The following ABCG2 variants were observed in gnomAD, a reference collection of about 807,000 sequenced individuals.
The protein encoded by ABCG2 is broad substrate specificity ATP-binding cassette transporter ABCG2.
In ABCG2, 80 loss-of-function variants were observed where a neutral mutation model predicts 73.5. The observed-to-expected ratio is 1.09, with a 90% CI of 0.91 to 1.31. The LOEUF is 1.31. Among genes scored for constraint, ABCG2 ranks in the 50% most tolerant of loss-of-function variants. ABCG2 has a pLI of 0.00. For missense variants in ABCG2, 796 were observed against 786.2 expected (o/e 1.01, Z -0.15); for synonymous variants, 269 against 282.4 (o/e 0.95, Z 0.48).
intron 1 of ABCG2, among the ~76,000 whole-genome samples, chr4:88,185,770 TC>T (rs761447763): frequency 3.3e-5 from 5 of 152,198 alleles, no homozygotes; most frequent in Non-Finnish European, 4.4e-5. Flanking sequence ...TTATCATTAA[TC>T]AGAGAAATGC....
chr4:88,191,957 G>A (rs190356296), intron 1 of ABCG2, among the ~76,000 whole-genome samples: 100 of 152,246 alleles, frequency 6.6e-4, no homozygotes, highest in African/African-American at 2.3e-3. Context: ...GATTACCTGA[G>A]CTCTGGCATT....
intron 1 of ABCG2, among the ~76,000 whole-genome samples, chr4:88,140,233 T>G (rs1046670917): frequency 6.6e-6 from 1 of 152,164 alleles, no homozygotes; most frequent in Non-Finnish European, 1.5e-5. Context: ...AGATGTCAAA[T>G]ACATCCCTAA....
At position 88,131,080 on chromosome 4, in the gene ABCG2, T is replaced by G; in HGVS notation, c.512A>C (p.Asp171Ala). 1 of 1,614,038 alleles carries G rather than the reference T, an allele frequency of 6.2e-7. No homozygotes were observed. The highest frequency in any genetic ancestry group is 8.5e-7 in the Non-Finnish European group (1 of 1,179,990). ...INRVIQELGL[D>A]KVADSKVGTQ... ...CATTACCTTGGAGTCTGCCACTTTA[T>G]CCAGACCTAACTCTTGAATGACCCT... Residue 171 changes from aspartate to alanine, a missense_variant, in exon 5 of 16, where the codon GAT becomes GCT. By Grantham distance (126) the Asp-to-Ala change is moderately radical. Coordinates refer to ENST00000237612, the MANE Select transcript of ABCG2 (RefSeq NM_004827.3).
intron 1 of ABCG2, among the ~76,000 whole-genome samples, chr4:88,203,510 C>T (rs1578275835): frequency 6.6e-6 from 1 of 152,106 alleles, no homozygotes; most frequent in African/African-American, 2.4e-5. Context: ...GTGGCTCATG[C>T]CTTTAATCCC....
At chr4:88,137,143 C>A (rs1308200046) in intron 2 of ABCG2, among the ~76,000 whole-genome samples, 12 of 151,980 alleles carry the variant, frequency 7.9e-5, no homozygotes, top group Admixed American at 7.9e-4. Context: ...AAATCAGGAA[C>A]AATAAGAGTA....
At chr4:88,092,483 C>A (rs1721703236) in intron 15 of ABCG2, 102 bp from the exon 16 acceptor site, 2 of 1,260,044 alleles carry the variant, frequency 1.6e-6, no homozygotes, top group Non-Finnish European at 2.2e-6. Flanking sequence ...TTGAACCAAG[C>A]CTTTAATAAT....
chr4:88,098,068 C>T (rs1242866150), intron 12 of ABCG2, among the ~76,000 whole-genome samples: 1 of 152,134 alleles, frequency 6.6e-6, no homozygotes, highest in African/African-American at 2.4e-5. Flanking sequence ...CCCAAGCCTC[C>T]CCAGACAGAT....
chr4:88,178,646 T>A (rs1728103202), intron 1 of ABCG2, among the ~76,000 whole-genome samples: 1 of 152,158 alleles, frequency 6.6e-6, no homozygotes, highest in South Asian at 2.1e-4. Context: ...CCTTGGTTCT[T>A]AAACAATATT....
intron 1 of ABCG2, among the ~76,000 whole-genome samples, chr4:88,215,102 GA>G (rs1196403375): frequency 6.6e-6 from 1 of 151,654 alleles, no homozygotes; most frequent in African/African-American, 2.4e-5. Flanking sequence ...AAAAATTTTG[GA>G]AAAAAAAGAG....
intron 5 of ABCG2, among the ~76,000 whole-genome samples, chr4:88,123,195 A>C (rs1724135563): frequency 6.6e-6 from 1 of 152,224 alleles, no homozygotes; most frequent in Non-Finnish European, 1.5e-5. Flanking sequence ...CAAAGACCAA[A>C]GGTAGATAAA....
intron 1 of ABCG2, among the ~76,000 whole-genome samples, chr4:88,177,043 A>C (rs1216930036): frequency 6.6e-6 from 1 of 152,208 alleles, no homozygotes; most frequent in African/African-American, 2.4e-5. Context: ...TGGAAAAGAG[A>C]AGCAAAAAGA....
At chr4:88,139,761 A>G in intron 2 of ABCG2, 32 bp downstream of exon 2, 1 of 1,591,836 alleles carries the variant, frequency 6.3e-7, no homozygotes, top group Non-Finnish European at 8.6e-7. Context: ...GGTAAATTAA[A>G]AAGCTGTCTT....
chr4:88,161,330 C>A (rs1172965856), upstream of ABCG2, among the ~76,000 whole-genome samples: 2 of 93,028 alleles, frequency 2.1e-5, no homozygotes, highest in African/African-American at 4.2e-5. Flanking sequence ...CCTCCCCCGA[C>A]CCCACCACAG....
At chr4:88,175,729 G>A (rs927381854) in intron 1 of ABCG2, among the ~76,000 whole-genome samples, 3 of 152,176 alleles carry the variant, frequency 2.0e-5, no homozygotes, top group Non-Finnish European at 4.4e-5. Flanking sequence ...TAGTCTCCGC[G>A]TGCATTCTTG....
chr4:88,158,647 C>T (rs1361749762), upstream of ABCG2: 3 of 456,182 alleles, frequency 6.6e-6, no homozygotes, highest in Non-Finnish European at 1.3e-5. Flanking sequence ...ACTGCCTCTT[C>T]CCTCCTGCGC....
In ABCG2 at chr4:88,118,154, A is replaced by C; in HGVS notation, c.796T>G (p.Phe266Val). 5.0e-6 allele frequency: 8 copies of C among 1,614,184 alleles called. 1 individual carries two copies. Among genetic ancestry groups the C allele is most frequent in the Non-Finnish European group, 6.8e-6 (8 of 1,180,014 alleles). The change falls in exon 7 of 16, where the codon TTC becomes GTC. Residue 266 changes from phenylalanine to valine, a missense_variant. By Grantham distance (50) the Phe-to-Val change is conservative. Coordinates refer to ENST00000237612, the MANE Select transcript of ABCG2 (RefSeq NM_004827.3). ...AAGGCCTCCTGAGCAGGCCCGTGGA[A>C]CATAAGTCTTCCTGAGGCCAATAAG... ...LTLLASGRLM[F>V]HGPAQEALGY...
intron 7 of ABCG2, among the ~76,000 whole-genome samples, chr4:88,115,272 A>T (rs1312439125): frequency 2.3e-4 from 2 of 8,856 alleles, no homozygotes; most frequent in Non-Finnish European, 4.5e-4. Flanking sequence ...ATATATATAT[A>T]TATATATATA....
At chr4:88,097,351 T>A (rs1722053401) in intron 13 of ABCG2, 102 bp downstream of exon 13, 1 of 1,363,186 alleles carries the variant, frequency 7.3e-7, no homozygotes, top group African/African-American at 1.5e-5. Context: ...AGAGCCCCAT[T>A]TACAGAATCC....
In ABCG2 at chr4:88,118,180, G is replaced by A. The variant is rs200374406; in HGVS notation, c.770C>T (p.Thr257Ile). The A allele has an allele frequency of 1.5e-5, 24 of 1,614,142 alleles. No individual in the cohort carries two copies. In the South Asian group the frequency reaches 2.2e-4, roughly 15 times the overall value. Residue 257 changes from threonine to isoleucine, a missense_variant, in exon 7 of 16, where the codon ACC becomes ATC. Coordinates refer to ENST00000237612, the MANE Select transcript of ABCG2 (RefSeq NM_004827.3). ...YSIFKLFDSL[T>I]LLASGRLMFH... The stretch of plus-strand genomic sequence containing the variant: ...CATAAGTCTTCCTGAGGCCAATAAG[G>A]TGAGGCTATCAAACAACTTGAAGAT...
Sources: gnomAD v4.1 joint callset for allele counts (sites outside exome capture counted in the v4.1 genomes callset) on GRCh38, gnomAD v4.1.1 for gene constraint, MANE v1.5 for transcripts, NCBI Gene and HGNC (gene_info 2026-07-23, HGNC 2026-07-21) for gene names.